The following VAV3 variants were observed in gnomAD, a reference collection of about 807,000 sequenced individuals.
The protein encoded by VAV3 is vav guanine nucleotide exchange factor 3.
VAV3 carries 94 observed loss-of-function variants against 131.2 expected under a neutral mutation model. The ratio of observed to expected loss-of-function variants is 0.72; its 90% CI spans 0.61 to 0.85. The LOEUF (loss-of-function observed/expected upper bound fraction) is 0.85, where lower values mean the gene tolerates loss of function less well. Ranked by LOEUF, VAV3 falls within the 40% of genes least tolerant of loss-of-function variation. VAV3 has a pLI of 0.00. For missense variants in VAV3, 939 were observed against 1,002.7 expected (o/e 0.94, Z 0.86); for synonymous variants, 349 against 342.0 (o/e 1.02, Z -0.22).
intron 22 of VAV3, among the ~76,000 whole-genome samples, chr1:107,608,210 A>G (rs1255872215): frequency 2.0e-5 from 3 of 152,298 alleles, no homozygotes; most frequent in Non-Finnish European, 2.9e-5. Flanking sequence ...GCATTTTAAA[A>G]CTAAGGGTAC....
Position 107,957,453 on chromosome 1 carries a change from T to C in VAV3, c.204+7213A>G, listed in dbSNP as rs143116427. 4.4e-4 allele frequency among the ~76,000 whole-genome samples: 67 copies of C among 152,200 alleles called. 1 individual carries two copies. In the East Asian group the frequency reaches 0.012, roughly 28 times the overall value. Reference sequence around the variant, plus strand: ...CTTCATACCTATGGAGCCACTGTAATTATAGAGGCAGGGGTGTAAAACAGG... The same window carrying C: ...CTTCATACCTATGGAGCCACTGTAACTATAGAGGCAGGGGTGTAAAACAGG... On this transcript the variant is annotated intron_variant, in intron 1 of 26. Coordinates refer to ENST00000370056, the MANE Select transcript of VAV3 (RefSeq NM_006113.5).
intron 20 of VAV3, among the ~76,000 whole-genome samples, chr1:107,639,797 G>A (rs1655200525): frequency 6.6e-6 from 1 of 152,070 alleles, no homozygotes; most frequent in Non-Finnish European, 1.5e-5. Context: ...AGCCAGGCAT[G>A]GTGATACATG....
chr1:107,592,539 A>C (rs1651050029), intron 25 of VAV3, among the ~76,000 whole-genome samples: 1 of 152,140 alleles, frequency 6.6e-6, no homozygotes, highest in South Asian at 2.1e-4. Flanking sequence ...TACAAATAAA[A>C]ACTTGGCAAA....
chr1:107,902,524 T>C (rs751470774), intron 1 of VAV3, among the ~76,000 whole-genome samples: 7 of 152,232 alleles, frequency 4.6e-5, no homozygotes, highest in Non-Finnish European at 1.0e-4. Context: ...TAAGTACCGC[T>C]AGATAGTCTT....
intron 1 of VAV3, among the ~76,000 whole-genome samples, chr1:107,925,189 G>A (rs954247696): frequency 7.9e-5 from 12 of 152,196 alleles, no homozygotes; most frequent in Middle Eastern, 6.8e-3. Context: ...TAATCTTAGC[G>A]TTGACGGTCA....
intron 1 of VAV3, among the ~76,000 whole-genome samples, chr1:107,945,843 A>G (rs1674234136): frequency 6.8e-6 from 1 of 147,444 alleles, no homozygotes; most frequent in African/African-American, 2.5e-5. Context: ...AAAAAGAAAG[A>G]AAGAAAAGAA....
At chr1:107,852,338 A>C (rs112981901) in intron 2 of VAV3, among the ~76,000 whole-genome samples, 129 of 152,316 alleles carry the variant, frequency 8.5e-4, no homozygotes, top group African/African-American at 3.0e-3. Context: ...TTTTAAAAGA[A>C]AATGAGTCTC....
chr1:107,630,413 A>T (rs1654379288), intron 20 of VAV3, among the ~76,000 whole-genome samples: 1 of 148,036 alleles, frequency 6.8e-6, no homozygotes, highest in Non-Finnish European at 1.5e-5. Context: ...CTGTGCTAGA[A>T]CTCCTTTGTG....
intron 1 of VAV3, among the ~76,000 whole-genome samples, chr1:107,945,576 C>A (rs1426136642): frequency 6.6e-6 from 1 of 152,044 alleles, no homozygotes; most frequent in African/African-American, 2.4e-5. Context: ...GTAATTCCAG[C>A]ACTTTGAGAG....
intron 5 of VAV3, among the ~76,000 whole-genome samples, chr1:107,772,103 C>T (rs1437311130): frequency 1.3e-5 from 2 of 152,156 alleles, no homozygotes; most frequent in African/African-American, 2.4e-5. Context: ...TTATTAAGAA[C>T]CTAAGCAACT....
intron 11 of VAV3, among the ~76,000 whole-genome samples, 156 bp downstream of exon 11, chr1:107,757,105 T>C (rs1430822499): frequency 1.3e-5 from 2 of 151,594 alleles, no homozygotes; most frequent in Non-Finnish European, 2.9e-5. Context: ...TGTCATAATA[T>C]TTTATTTATG....
intron 2 of VAV3, among the ~76,000 whole-genome samples, chr1:107,834,373 C>G (rs913903679): frequency 6.6e-6 from 1 of 152,050 alleles, no homozygotes; most frequent in African/African-American, 2.4e-5. Flanking sequence ...GGGCCCCATG[C>G]AGTGCTCTAA....
chr1:107,700,356 A>G (rs1660027763), intron 17 of VAV3, among the ~76,000 whole-genome samples: 2 of 152,196 alleles, frequency 1.3e-5, no homozygotes. Context: ...TTTGTTACAT[A>G]GGTAAACGCG....
At chr1:107,901,535 G>C (rs1414342372) in intron 1 of VAV3, among the ~76,000 whole-genome samples, 1 of 152,156 alleles carries the variant, frequency 6.6e-6, no homozygotes, top group Non-Finnish European at 1.5e-5. Flanking sequence ...CAAAAAATGA[G>C]GGTGTGGTGG....
At chr1:107,752,281 C>T (rs1663783014) in intron 12 of VAV3, among the ~76,000 whole-genome samples, 1 of 152,168 alleles carries the variant, frequency 6.6e-6, no homozygotes, top group Admixed American at 6.5e-5. Context: ...AACTGGATAT[C>T]CACATGTAAA....
At chr1:107,779,697 T>G (rs1246828877) in intron 2 of VAV3, among the ~76,000 whole-genome samples, 1 of 152,094 alleles carries the variant, frequency 6.6e-6, no homozygotes, top group African/African-American at 2.4e-5. Context: ...AAGTAATAAA[T>G]TACTTTATTA....
chr1:107,751,345 T>A, intron 12 of VAV3, 143 bp from the exon 13 acceptor site: 1 of 671,176 alleles, frequency 1.5e-6, no homozygotes, highest in Non-Finnish European at 2.4e-6. Context: ...ATACTTACTC[T>A]AAAAAGCTCA....
chr1:107,842,044 A>G (rs756601991), intron 2 of VAV3, among the ~76,000 whole-genome samples: 1 of 152,178 alleles, frequency 6.6e-6, no homozygotes, highest in Non-Finnish European at 1.5e-5. Flanking sequence ...AAATTTTTCT[A>G]TACTACCATT....
At chr1:107,718,381 G>A (rs535083980) in intron 15 of VAV3, among the ~76,000 whole-genome samples, 374 of 152,140 alleles carry the variant, frequency 2.5e-3, no homozygotes, top group East Asian at 8.1e-3. Flanking sequence ...AAATCAAGGC[G>A]CAAAAATCAC....
Sources: allele counts gnomAD v4.1 joint callset (sites outside exome capture counted in the v4.1 genomes callset), GRCh38; gene constraint gnomAD v4.1.1; transcripts MANE v1.5; gene names NCBI Gene and HGNC (gene_info 2026-07-23, HGNC 2026-07-21).